ATF6: variants seen among roughly 807,000 people sequenced by gnomAD.
The protein encoded by ATF6 is cyclic AMP-dependent transcription factor ATF-6 alpha.
A neutral mutation model predicts 83.6 loss-of-function variants in ATF6; 53 were observed. That is an observed-to-expected ratio of 0.63 (90% confidence interval 0.51 to 0.80). The LOEUF (loss-of-function observed/expected upper bound fraction) is 0.80. Ranked by LOEUF, ATF6 falls within the 30% of genes least tolerant of loss-of-function variation. The pLI, the probability that ATF6 is intolerant of heterozygous loss-of-function variation, is 0.00. For missense variants in ATF6, 744 were observed against 797.9 expected (o/e 0.93, Z 0.81); for synonymous variants, 288 against 285.8 (o/e 1.01, Z -0.08).
chr1:161,813,563 C>T (rs1432557256), intron 7 of ATF6, among the ~76,000 whole-genome samples: 1 of 151,988 alleles, frequency 6.6e-6, no homozygotes, highest in African/African-American at 2.4e-5. Flanking sequence ...AAATATAATG[C>T]ACCCTTTTTC....
At chr1:161,868,684 G>T (rs1164032872) in intron 14 of ATF6, among the ~76,000 whole-genome samples, 6 of 151,674 alleles carry the variant, frequency 4.0e-5, no homozygotes, top group Non-Finnish European at 5.9e-5. Flanking sequence ...TTTGCTTAAA[G>T]AAATTGGAAT....
chr1:161,907,174 G>A (rs1687893104), intron 14 of ATF6, among the ~76,000 whole-genome samples: 1 of 152,088 alleles, frequency 6.6e-6, no homozygotes, highest in South Asian at 2.1e-4. Flanking sequence ...ACTCTGAAAG[G>A]CCTACTTCTA....
intron 14 of ATF6, among the ~76,000 whole-genome samples, chr1:161,893,833 A>AAT (rs1264375259): frequency 6.6e-6 from 1 of 152,194 alleles, no homozygotes; most frequent in Admixed American, 6.5e-5. Context: ...TTCCTCACAT[A>AAT]ATATAATCAT....
At chr1:161,947,366 C>T (rs184639958) in intron 15 of ATF6, among the ~76,000 whole-genome samples, 26 of 152,244 alleles carry the variant, frequency 1.7e-4, no homozygotes, top group East Asian at 7.7e-4. Flanking sequence ...GATTAGATGT[C>T]GAGGGTAATC....
intron 12 of ATF6, among the ~76,000 whole-genome samples, chr1:161,857,816 G>C (rs1052541168): frequency 6.6e-6 from 1 of 152,036 alleles, no homozygotes; most frequent in Non-Finnish European, 1.5e-5. Context: ...AGAACACAAG[G>C]GGGGGAGGGA....
chr1:161,895,655 T>C (rs1687656478), intron 14 of ATF6, among the ~76,000 whole-genome samples: 1 of 152,180 alleles, frequency 6.6e-6, no homozygotes, highest in Non-Finnish European at 1.5e-5. Context: ...ACTGTGAGAA[T>C]GTCTAGATAT....
At chr1:161,892,834 C>T (rs1302427422) in intron 14 of ATF6, among the ~76,000 whole-genome samples, 1 of 152,098 alleles carries the variant, frequency 6.6e-6, no homozygotes, top group African/African-American at 2.4e-5. Flanking sequence ...GACGGGGTTT[C>T]GCCATGTTGG....
At chr1:161,886,539 T>G (rs1445734632) in intron 14 of ATF6, among the ~76,000 whole-genome samples, 1 of 152,238 alleles carries the variant, frequency 6.6e-6, no homozygotes, top group African/African-American at 2.4e-5. Context: ...TTTTTTCATA[T>G]GGAAAACCAA....
chr1:161,855,837 T>C (rs1686744861), intron 12 of ATF6, among the ~76,000 whole-genome samples: 1 of 152,212 alleles, frequency 6.6e-6, no homozygotes, highest in African/African-American at 2.4e-5. Flanking sequence ...CTTTTGGAAT[T>C]GACCATCAGA....
chr1:161,872,341 T>C (rs973435651), intron 14 of ATF6, among the ~76,000 whole-genome samples: 1 of 151,682 alleles, frequency 6.6e-6, no homozygotes, highest in African/African-American at 2.4e-5. Flanking sequence ...TATCCAAATA[T>C]CATATCTTTG....
intron 14 of ATF6, among the ~76,000 whole-genome samples, chr1:161,865,970 C>T (rs940164267): frequency 1.5e-4 from 23 of 152,062 alleles, no homozygotes; most frequent in African/African-American, 5.1e-4. Flanking sequence ...CATGCTTGGT[C>T]TTCTTTCATC....
At chr1:161,811,265 T>A (rs1685448551) in intron 7 of ATF6, among the ~76,000 whole-genome samples, 1 of 152,254 alleles carries the variant, frequency 6.6e-6, no homozygotes, top group Non-Finnish European at 1.5e-5. Flanking sequence ...TCTGAAAGAT[T>A]ACTATTTTAT....
At chr1:161,860,605 A>G (rs1686862831) in intron 13 of ATF6, among the ~76,000 whole-genome samples, 1 of 151,960 alleles carries the variant, frequency 6.6e-6, no homozygotes, top group Non-Finnish European at 1.5e-5. Context: ...TCATGAACCT[A>G]GGGAAGGGAA....
chr1:161,892,963 G>A (rs1016188782), intron 14 of ATF6, among the ~76,000 whole-genome samples: 1 of 151,878 alleles, frequency 6.6e-6, no homozygotes, highest in African/African-American at 2.4e-5. Context: ...ACCCTAAAAT[G>A]TGGCTTTGTG....
Position 161,826,910 on chromosome 1 carries a change from A to C in ATF6, c.1187+5749A>C, listed in dbSNP as rs371957079. On this transcript the variant is annotated intron_variant, in intron 9 of 15. Transcript: ENST00000367942. ...ATGTTTCATCATTTGTGTTATTCAA[A>C]AGAATTTTTTGATTGGCCCCATTTT... Among the ~76,000 whole-genome samples, 36 of 150,150 alleles carry C rather than the reference A, an allele frequency of 2.4e-4. No individual in the cohort carries two copies. The East Asian group carries it at 6.5e-3, about 27-fold the overall frequency.
At chr1:161,857,407 A>G (rs932750481) in intron 12 of ATF6, among the ~76,000 whole-genome samples, 1 of 152,098 alleles carries the variant, frequency 6.6e-6, no homozygotes, top group Non-Finnish European at 1.5e-5. Context: ...GTCCTGTTTC[A>G]TAGTTCTACC....
At chr1:161,895,919 A>G (rs751717598) in intron 14 of ATF6, among the ~76,000 whole-genome samples, 2 of 152,204 alleles carry the variant, frequency 1.3e-5, no homozygotes, top group Non-Finnish European at 2.9e-5. Context: ...GCTGTAGTGC[A>G]TTGACATCAG....
At chr1:161,898,704 C>T (rs1021917130) in intron 14 of ATF6, among the ~76,000 whole-genome samples, 4 of 152,098 alleles carry the variant, frequency 2.6e-5, no homozygotes, top group Admixed American at 6.5e-5. Context: ...CACGCCACCA[C>T]GCCCAGCTAA....
At chr1:161,934,361 G>C (rs1475768972) in intron 15 of ATF6, among the ~76,000 whole-genome samples, 1 of 152,212 alleles carries the variant, frequency 6.6e-6, no homozygotes, top group Non-Finnish European at 1.5e-5. Context: ...TTTAGGACTA[G>C]AAACCACAAT....
Sources: allele counts gnomAD v4.1 joint callset (sites outside exome capture counted in the v4.1 genomes callset), GRCh38; gene constraint gnomAD v4.1.1; transcripts MANE v1.5; gene names NCBI Gene and HGNC (gene_info 2026-07-23, HGNC 2026-07-21).